The following DNM3 variants were observed in gnomAD, a reference collection of about 807,000 sequenced individuals.
The protein encoded by DNM3 is dynamin 3.
Under a neutral mutation model 101.6 loss-of-function variants are expected in DNM3, and 47 were observed. The observed-to-expected ratio is 0.46, with a 90% confidence interval of 0.37 to 0.59. DNM3 has a LOEUF of 0.59. Ranked by LOEUF, DNM3 falls within the 20% of genes least tolerant of loss-of-function variation. DNM3 has a pLI of 0.00. For missense variants in DNM3, 849 were observed against 1,085.7 expected (o/e 0.78, Z 3.06); for synonymous variants, 385 against 387.9 (o/e 0.99, Z 0.09).
intron 12 of DNM3, among the ~76,000 whole-genome samples, chr1:172,090,137 G>A (rs988586943): frequency 3.3e-5 from 5 of 152,080 alleles, no homozygotes; most frequent in Non-Finnish European, 7.4e-5. Context: ...GCACCTGTGG[G>A]TCTATCACAG....
chr1:172,389,591 T>G (rs1215125655), intron 20 of DNM3, among the ~76,000 whole-genome samples: 1 of 151,904 alleles, frequency 6.6e-6, no homozygotes, highest in Non-Finnish European at 1.5e-5. Context: ...AGTACTAAGG[T>G]TTTTTTCCCC....
intron 17 of DNM3, among the ~76,000 whole-genome samples, chr1:172,336,017 C>T (rs1245878635): frequency 6.6e-6 from 1 of 151,922 alleles, no homozygotes; most frequent in East Asian, 1.9e-4. Flanking sequence ...TGGTAAACAT[C>T]CACATTTTAG....
intron 2 of DNM3, among the ~76,000 whole-genome samples, chr1:171,966,359 G>A (rs970387273): frequency 6.6e-6 from 1 of 152,224 alleles, no homozygotes; most frequent in African/African-American, 2.4e-5. Flanking sequence ...CATGAGGGCA[G>A]AAGAAGGCAT....
intron 14 of DNM3, among the ~76,000 whole-genome samples, chr1:172,206,657 A>G (rs1441481055): frequency 6.6e-6 from 1 of 152,040 alleles, no homozygotes; most frequent in Non-Finnish European, 1.5e-5. Context: ...ATCAGTGCAA[A>G]CGTCAACATA....
intron 2 of DNM3, among the ~76,000 whole-genome samples, chr1:171,947,889 T>C (rs2042262682): frequency 6.6e-6 from 1 of 152,210 alleles, no homozygotes; most frequent in Non-Finnish European, 1.5e-5. Flanking sequence ...TGAGAGGCCG[T>C]ATATGTTACA....
intron 2 of DNM3, among the ~76,000 whole-genome samples, chr1:171,975,050 T>A (rs1242707496): frequency 6.6e-6 from 1 of 150,962 alleles, no homozygotes; most frequent in Non-Finnish European, 1.5e-5. Flanking sequence ...TAAGAGGGAG[T>A]CTTGCTATAT....
At chr1:172,328,226 GT>G (rs2066021071) in intron 17 of DNM3, among the ~76,000 whole-genome samples, 1 of 152,082 alleles carries the variant, frequency 6.6e-6, no homozygotes, top group South Asian at 2.1e-4. Context: ...AGGAAATAAT[GT>G]TTAGGACTTC....
chr1:172,364,574 T>C (rs1423769564), intron 17 of DNM3, among the ~76,000 whole-genome samples: 1 of 151,810 alleles, frequency 6.6e-6, no homozygotes. Flanking sequence ...AATAGAGAGA[T>C]GGAGAAGTCT....
At chr1:172,347,826 C>A (rs1260027086) in intron 17 of DNM3, among the ~76,000 whole-genome samples, 2 of 151,998 alleles carry the variant, frequency 1.3e-5, no homozygotes, top group Non-Finnish European at 2.9e-5. Flanking sequence ...TCTAAATGGC[C>A]ATTAGTGGAA....
chr1:172,245,268 T>C (rs2061906877), intron 14 of DNM3, among the ~76,000 whole-genome samples: 1 of 152,152 alleles, frequency 6.6e-6, no homozygotes, highest in Non-Finnish European at 1.5e-5. Context: ...ATAATAGTAA[T>C]GGAGTTGCTT....
intron 2 of DNM3, among the ~76,000 whole-genome samples, chr1:171,930,666 C>CT (rs2040931680): frequency 6.6e-6 from 1 of 152,116 alleles, no homozygotes; most frequent in African/African-American, 2.4e-5. Context: ...TCCTCTGGCT[C>CT]TGTGTTGATC....
intron 1 of DNM3, among the ~76,000 whole-genome samples, chr1:171,869,720 C>T (rs912895158): frequency 1.3e-5 from 2 of 152,154 alleles, no homozygotes; most frequent in Non-Finnish European, 2.9e-5. Context: ...CACTGCCCTG[C>T]CTTATTGTTA....
At chr1:172,181,152 A>G (rs2059329263) in intron 14 of DNM3, among the ~76,000 whole-genome samples, 1 of 152,080 alleles carries the variant, frequency 6.6e-6, no homozygotes, top group Non-Finnish European at 1.5e-5. Context: ...TTTGCAAAAC[A>G]TCTTTTAAAA....
Position 172,058,366 on chromosome 1 carries a change from C to G in DNM3, c.1335+9616C>G, listed in dbSNP as rs906085477. The stretch of plus-strand genomic sequence containing the variant: ...GGACCTAATAGACATCTACAGAACT[C>G]TCCACCCCAAATCAACAGAATATAC... On this transcript the variant is annotated intron_variant, in intron 10 of 20. Transcript: ENST00000627582. 8.6e-5 allele frequency among the ~76,000 whole-genome samples: 13 copies of G among 150,984 alleles called. No homozygotes were observed. In the South Asian group the frequency reaches 1.3e-3, roughly 15 times the overall value.
At chr1:171,860,952 G>A (rs1256564635) in intron 1 of DNM3, among the ~76,000 whole-genome samples, 2 of 152,100 alleles carry the variant, frequency 1.3e-5, no homozygotes, top group Admixed American at 6.6e-5. Context: ...AGCCTGTAAG[G>A]TATGCAGGTG....
rs760570838 is a variant in DNM3 at position 172,407,843 on chromosome 1, C to T, written c.*2C>T. The T allele has an allele frequency of 2.0e-5, 33 of 1,612,940 alleles. No individual in the cohort carries two copies. The highest frequency in any genetic ancestry group is 1.7e-4 in the African/African-American group (13 of 74,862). ...CTAGAATCCTCCCTGTTAGACTAAA[C>T]GAAGTGTCTGGCATGGCAATTAATC... On this transcript the variant is annotated 3_prime_UTR_variant, in exon 21 of 21. Transcript: ENST00000627582.
chr1:172,082,921 G>C (rs149617883), intron 12 of DNM3, among the ~76,000 whole-genome samples: 96 of 152,282 alleles, frequency 6.3e-4, no homozygotes, highest in African/African-American at 2.2e-3. Flanking sequence ...ATCCAATGAC[G>C]ATTACTAGTG....
downstream of DNM3, among the ~76,000 whole-genome samples, chr1:172,416,760 C>T (rs567730808): frequency 9.2e-5 from 14 of 152,196 alleles, no homozygotes; most frequent in East Asian, 3.9e-4. Context: ...TCATTGAGCT[C>T]GACAGAAATT....
At chr1:172,032,557 T>C in intron 5 of DNM3, 57 bp downstream of exon 5, 2 of 1,040,498 alleles carry the variant, frequency 1.9e-6, no homozygotes, top group Non-Finnish European at 2.6e-6. Flanking sequence ...TTTTTTTTTG[T>C]TATATGGAAG....
Sources: gnomAD v4.1 joint callset for allele counts (sites outside exome capture counted in the v4.1 genomes callset) on GRCh38, gnomAD v4.1.1 for gene constraint, MANE v1.5 for transcripts, NCBI Gene and HGNC (gene_info 2026-07-23, HGNC 2026-07-21) for gene names.